The following NPM1 variants were observed in gnomAD, a reference collection of about 807,000 sequenced individuals.
The protein encoded by NPM1 is nucleophosmin 1.
A neutral mutation model predicts 44.1 loss-of-function variants in NPM1; 1 was observed. The observed-to-expected ratio is 0.02, with a 90% confidence interval of 0.01 to 0.11. NPM1 has a LOEUF of 0.11. NPM1 is among the 10% of genes least tolerant of loss of function. The pLI is 1.00. For missense variants in NPM1, 197 were observed against 347.8 expected, an observed-to-expected ratio of 0.57 and a Z score of 3.45; for synonymous variants, 126 against 111.8, an observed-to-expected ratio of 1.13 and a Z score of -0.80.
At position 171,407,766 on chromosome 5, in the gene NPM1, G is replaced by A. The variant is rs1771648065; in HGVS notation, c.838G>A (p.Asp280Asn). 4.4e-6 allele frequency: 7 copies of A among 1,605,118 alleles called. No homozygotes were observed. Among genetic ancestry groups the A allele is most frequent in the African/African-American group, 1.3e-5 (1 of 74,762 alleles). The change falls in exon 10 of 11, where the codon GAC becomes AAC. Residue 280 changes from aspartate (D) to asparagine (N), a missense_variant. Coordinates refer to ENST00000296930, the MANE Select transcript of NPM1 (RefSeq NM_002520.7). ...NYVKNCFRMT[D>N]QEAIQDLWQW... ...TGTGAAGAATTGCTTCCGGATGACT[G>A]ACCAAGAGGTAACTGGATTTTCTGG...
chr5:171,387,594 G>T (rs1055511255), upstream of NPM1: 26 of 286,156 alleles, frequency 9.1e-5, no homozygotes, highest in Non-Finnish European at 1.2e-4. Context: ...CGTTACGACT[G>T]GAAAGCACGC....
At chr5:171,407,619 C>T (rs898142963) in intron 9 of NPM1, 81 bp from the exon 10 acceptor site, 4 of 806,372 alleles carry the variant, frequency 5.0e-6, no homozygotes, top group Admixed American at 3.9e-5. Context: ...TAGTAGCATG[C>T]AGATTATTGA....
chr5:171,397,421 T>C (rs1770963741), intron 6 of NPM1, among the ~76,000 whole-genome samples: 1 of 152,186 alleles, frequency 6.6e-6, no homozygotes, highest in African/African-American at 2.4e-5. Flanking sequence ...GGCTTCTGAT[T>C]TCACTCCAAC....
intron 8 of NPM1, among the ~76,000 whole-genome samples, chr5:171,403,631 G>T (rs1340025116): frequency 4.5e-5 from 5 of 110,004 alleles, no homozygotes; most frequent in East Asian, 5.7e-4. Flanking sequence ...TGGCCGGGCA[G>T]GGGGGCTGAC....
chr5:171,390,414 T>A (rs184564947), intron 2 of NPM1, among the ~76,000 whole-genome samples: 1 of 152,336 alleles, frequency 6.6e-6, no homozygotes, highest in East Asian at 1.9e-4. Flanking sequence ...ATCTTTCATG[T>A]CTACCAGAGA....
At chr5:171,407,080 G>A (rs4513711) in intron 9 of NPM1, 61,587 of 152,528 alleles carry the variant, frequency 0.4, 12,467 homozygotes, top group East Asian at 0.55. Flanking sequence ...AGGAAATGGT[G>A]AGAGTGATTA....
In NPM1 at chr5:171,393,009, T is replaced by G. The variant is rs746809177; in HGVS notation, c.524+31T>G. The G allele has an allele frequency of 2.5e-6, 4 of 1,596,100 alleles. No homozygotes were observed. In the African/African-American group the frequency reaches 5.4e-5, roughly 21 times the overall value. On this transcript the variant is annotated intron_variant, in intron 6 of 10. Transcript: ENST00000296930. Reference sequence around the variant, plus strand: ...TATGATTTTAGAAACTTGATATACTTCCGGAATCTTGACAAAAAAAGGAAT... The same window carrying G: ...TATGATTTTAGAAACTTGATATACTGCCGGAATCTTGACAAAAAAAGGAAT...
intron 1 of NPM1, among the ~76,000 whole-genome samples, chr5:171,389,821 A>C (rs549199307): frequency 6.6e-6 from 1 of 152,212 alleles, no homozygotes; most frequent in Non-Finnish European, 1.5e-5. Context: ...CTATCAGCGT[A>C]GTTAGAGATG....
At chr5:171,398,260 C>G (rs1350995533) in intron 6 of NPM1, among the ~76,000 whole-genome samples, 1 of 152,096 alleles carries the variant, frequency 6.6e-6, no homozygotes, top group Non-Finnish European at 1.5e-5. Context: ...GGTGTCAATC[C>G]TAAGAAATCA....
chr5:171,390,112 C>A lies in NPM1; in HGVS notation c.120C>A (p.His40Gln). 6.4e-7 allele frequency: 1 copy of A among 1,568,382 alleles called. No homozygotes were observed. Among genetic ancestry groups the A allele is most frequent in the Non-Finnish European group, 8.6e-7 (1 of 1,158,222 alleles). ...AGGTGGATAATGATGAAAATGAGCA[C>A]CAGTTATCTTTAAGAACGGTACTTA... ...HFKVDNDENE[H>Q]QLSLRTVSLG... The change falls in exon 2 of 11, where the codon CAC (histidine) becomes CAA (glutamine). Residue 40 changes from histidine (H) to glutamine (Q), a missense_variant. Coordinates refer to ENST00000296930, the MANE Select transcript of NPM1 (RefSeq NM_002520.7).
chr5:171,409,767 A>T (rs903066297), intron 10 of NPM1, among the ~76,000 whole-genome samples: 6 of 152,146 alleles, frequency 3.9e-5, no homozygotes, highest in Middle Eastern at 6.8e-3. Flanking sequence ...TTGGCCTCTT[A>T]AAGTGCTGGG....
chr5:171,396,905 G>A (rs561975063), intron 6 of NPM1, among the ~76,000 whole-genome samples: 2 of 152,118 alleles, frequency 1.3e-5, no homozygotes, highest in South Asian at 4.2e-4. Context: ...CCCGGGAGGC[G>A]GAGGTTGCAG....
intron 10 of NPM1, among the ~76,000 whole-genome samples, chr5:171,409,884 T>C (rs1378708352): frequency 1.3e-5 from 2 of 151,828 alleles, no homozygotes; most frequent in Non-Finnish European, 2.9e-5. Flanking sequence ...AACCTCTGCC[T>C]CTTGGGCTCA....
At chr5:171,402,381 AG>A in intron 8 of NPM1, among the ~76,000 whole-genome samples, 1 of 151,846 alleles carries the variant, frequency 6.6e-6, no homozygotes, top group South Asian at 2.1e-4. Flanking sequence ...TGCAGAAAAA[AG>A]GGAATGCTTA....
chr5:171,403,592 G>A (rs1771355134), intron 8 of NPM1, among the ~76,000 whole-genome samples: 1 of 114,872 alleles, frequency 8.7e-6, no homozygotes, highest in Non-Finnish European at 1.9e-5. Flanking sequence ...GCTGGGCAGA[G>A]GCGCCCCTCA....
At chr5:171,406,418 A>G (rs750754356) in intron 9 of NPM1, 2 of 1,612,632 alleles carry the variant, frequency 1.2e-6, no homozygotes, top group Non-Finnish European at 1.7e-6. Flanking sequence ...AGTCCTGGGC[A>G]CTACATGTAA....
chr5:171,388,053 CGGTGAGGGTGGG>C (rs770487651), intron 1 of NPM1, 47 bp downstream of exon 1: 8 of 589,642 alleles, frequency 1.4e-5, no homozygotes, highest in Admixed American at 2.0e-5. Flanking sequence ...GGCCTGGTGG[CGGTGAGGGTGGG>C]GGTGAGGGGC....
chr5:171,401,385 T>TACACAC (rs139498010), intron 8 of NPM1, among the ~76,000 whole-genome samples: 1 of 150,058 alleles, frequency 6.7e-6, no homozygotes, highest in East Asian at 2.0e-4. Context: ...GTGTTGTAGG[T>TACACAC]ACACACACAC....
In NPM1 at chr5:171,400,198, G is replaced by C; in HGVS notation, c.570G>C (p.Ala190=). 1 of 1,613,206 alleles carries C rather than the reference G, an allele frequency of 6.2e-7. No individual in the cohort carries two copies. The highest frequency in any genetic ancestry group is 8.5e-7 in the Non-Finnish European group (1 of 1,179,316). The part of the protein sequence containing the change: ...DFDDEEAEEK[A]PVKKSIRDTP... ...ATGATGAGGAAGCTGAAGAAAAAGC[G>C]CCAGTGAAGAAAGTGAGTAGATACA... The change falls in exon 7 of 11, where the codon GCG becomes GCC. Residue 190 remains alanine (A), a synonymous_variant. Transcript: ENST00000296930.
Sources: allele counts gnomAD v4.1 joint callset (sites outside exome capture counted in the v4.1 genomes callset), GRCh38; gene constraint gnomAD v4.1.1; transcripts MANE v1.5; gene names NCBI Gene and HGNC (gene_info 2026-07-23, HGNC 2026-07-21).